SDK1: variants seen among roughly 807,000 people sequenced by gnomAD.
The protein encoded by SDK1 is protein sidekick-1.
A neutral mutation model predicts 245.5 loss-of-function variants in SDK1; 157 were observed. That is an observed-to-expected ratio of 0.64 (90% CI 0.56 to 0.73). The LOEUF (loss-of-function observed/expected upper bound fraction) is 0.73. Among genes scored for constraint, SDK1 ranks in the 30% least tolerant of loss-of-function variants. The pLI is 0.00. For synonymous variants in SDK1, 1,647 were observed against 1,278.5 expected (o/e 1.29, Z -6.15); for missense variants, 3,583 against 3,002.3 (o/e 1.19, Z -4.52).
In SDK1 at chr7:3,707,516, G is replaced by T. The variant is rs957736745; in HGVS notation, c.713+65411G>T. ...TGTTCCATATGCTGATGAGAAGAAT[G>T]TGTATCTGCAGTTCTTGGGTAGAAT... On this transcript the variant is annotated intron_variant, in intron 4 of 44. Transcript: ENST00000404826. Among the ~76,000 whole-genome samples, 6 of 152,334 alleles carry T rather than the reference G, an allele frequency of 3.9e-5. 1 individual carries two copies.
chr7:3,744,398 G>C (rs1779558865), intron 4 of SDK1, among the ~76,000 whole-genome samples: 1 of 152,082 alleles, frequency 6.6e-6, no homozygotes. Context: ...TTTGGGCACA[G>C]ACTTCATCTG....
chr7:3,896,552 G>T (rs1429834927), intron 5 of SDK1, among the ~76,000 whole-genome samples: 1 of 152,182 alleles, frequency 6.6e-6, no homozygotes, highest in Non-Finnish European at 1.5e-5. Flanking sequence ...CTAAACTCTG[G>T]CTTGTTAACT....
intron 1 of SDK1, among the ~76,000 whole-genome samples, chr7:3,496,010 TAAG>T (rs1382390332): frequency 6.6e-6 from 1 of 152,238 alleles, no homozygotes; most frequent in Non-Finnish European, 1.5e-5. Context: ...TAACATTAAA[TAAG>T]ATCTTAATTG....
At chr7:3,796,344 A>G (rs1340018557) in intron 4 of SDK1, among the ~76,000 whole-genome samples, 1 of 152,248 alleles carries the variant, frequency 6.6e-6, no homozygotes, top group Non-Finnish European at 1.5e-5. Flanking sequence ...TGGCTGTGAA[A>G]AAGAATTTCT....
intron 17 of SDK1, among the ~76,000 whole-genome samples, chr7:4,022,199 G>T (rs1786948152): frequency 6.6e-6 from 1 of 152,306 alleles, no homozygotes; most frequent in South Asian, 2.1e-4. Flanking sequence ...GGCATAATTT[G>T]GGAAATTATT....
chr7:4,145,078 G>A (rs530857162), intron 28 of SDK1, among the ~76,000 whole-genome samples: 5 of 152,274 alleles, frequency 3.3e-5, no homozygotes, highest in East Asian at 1.9e-4. Flanking sequence ...CCCAGCGGAG[G>A]AACTGAGCAA....
intron 1 of SDK1, among the ~76,000 whole-genome samples, chr7:3,521,281 G>A (rs770580163): frequency 6.6e-6 from 1 of 152,040 alleles, no homozygotes; most frequent in Non-Finnish European, 1.5e-5. Flanking sequence ...GATTAGATTG[G>A]GGCCAGCCAA....
intron 1 of SDK1, among the ~76,000 whole-genome samples, chr7:3,448,301 T>A (rs142983944): frequency 6.6e-5 from 10 of 152,302 alleles, no homozygotes; most frequent in Middle Eastern, 3.4e-3. Context: ...CATTTCAGTT[T>A]TGTCTTGTGT....
At chr7:4,070,835 G>A (rs1453483727) in intron 20 of SDK1, among the ~76,000 whole-genome samples, 1 of 151,310 alleles carries the variant, frequency 6.6e-6, no homozygotes, top group Non-Finnish European at 1.5e-5. Flanking sequence ...TCAGCCTCCC[G>A]AGTAGTTGGA....
At chr7:3,312,238 A>G (rs1349692466) in intron 1 of SDK1, among the ~76,000 whole-genome samples, 1 of 152,176 alleles carries the variant, frequency 6.6e-6, no homozygotes, top group African/African-American at 2.4e-5. Context: ...GAACTATGGA[A>G]ATGAATAGAG....
At chr7:3,866,505 G>A (rs1344618361) in intron 5 of SDK1, among the ~76,000 whole-genome samples, 1 of 152,194 alleles carries the variant, frequency 6.6e-6, no homozygotes, top group East Asian at 1.9e-4. Context: ...TGTAGGGAAA[G>A]AAGGCCAGAA....
chr7:3,775,575 C>CTT (rs557596485), intron 4 of SDK1, among the ~76,000 whole-genome samples: 13 of 138,704 alleles, frequency 9.4e-5, no homozygotes, highest in African/African-American at 2.7e-4. Flanking sequence ...CTTTTTTTTT[C>CTT]TTTTTTTTTT....
chr7:4,181,069 A>G (rs1159786903), intron 35 of SDK1, among the ~76,000 whole-genome samples: 1 of 152,140 alleles, frequency 6.6e-6, no homozygotes, highest in African/African-American at 2.4e-5. Flanking sequence ...TTCTTCCCAA[A>G]CAGAAATCCC....
chr7:3,767,247 C>T (rs992474277), intron 4 of SDK1, among the ~76,000 whole-genome samples: 2 of 152,064 alleles, frequency 1.3e-5, no homozygotes, highest in Non-Finnish European at 2.9e-5. Flanking sequence ...CTCGTGGCTG[C>T]AGAGGGACAC....
chr7:3,367,445 C>T (rs1023507082), intron 1 of SDK1, among the ~76,000 whole-genome samples: 5 of 152,196 alleles, frequency 3.3e-5, no homozygotes, highest in Non-Finnish European at 1.5e-5. Flanking sequence ...CATTCCAGGT[C>T]CTATTTTGGT....
At chr7:3,575,697 A>C (rs981657131) in intron 1 of SDK1, among the ~76,000 whole-genome samples, 1 of 152,128 alleles carries the variant, frequency 6.6e-6, no homozygotes, top group East Asian at 1.9e-4. Context: ...TGGGGGATCA[A>C]CTTATAAAGA....
chr7:3,497,831 C>T (rs1782072820), intron 1 of SDK1, among the ~76,000 whole-genome samples: 1 of 152,232 alleles, frequency 6.6e-6, no homozygotes, highest in Non-Finnish European at 1.5e-5. Context: ...CTGTCACACA[C>T]TGTAACCCCA....
intron 1 of SDK1, among the ~76,000 whole-genome samples, chr7:3,578,708 G>A (rs1185226202): frequency 2.6e-5 from 4 of 151,772 alleles, no homozygotes; most frequent in East Asian, 1.9e-4. Flanking sequence ...TTGCACATCC[G>A]TTTATAGGCT....
chr7:4,167,192 C>A (rs1466558734), intron 32 of SDK1, among the ~76,000 whole-genome samples: 6 of 152,132 alleles, frequency 3.9e-5, no homozygotes, highest in Non-Finnish European at 7.3e-5. Flanking sequence ...GAGATTGAGA[C>A]CATCGTGGCC....
Sources: allele counts gnomAD v4.1 joint callset (sites outside exome capture counted in the v4.1 genomes callset), GRCh38; gene constraint gnomAD v4.1.1; transcripts MANE v1.5; gene names NCBI Gene and HGNC (gene_info 2026-07-23, HGNC 2026-07-21).